ASAP1: variants seen among roughly 807,000 people sequenced by gnomAD.
ASAP1 encodes ArfGAP with SH3 domain, ankyrin repeat and PH domain 1, also known as arf-GAP with SH3 domain, ANK repeat and PH domain-containing protein 1.
Under a neutral mutation model 145.2 loss-of-function variants are expected in ASAP1, and 43 were observed. The ratio of observed to expected loss-of-function variants is 0.30; its 90% CI spans 0.23 to 0.38. The LOEUF is 0.38. Ranked by LOEUF, ASAP1 falls within the 10% of genes least tolerant of loss-of-function variation. The pLI, the probability that ASAP1 is intolerant of heterozygous loss-of-function variation, is 1.00. For synonymous variants in ASAP1, 546 were observed against 515.5 expected (o/e 1.06, Z -0.80); for missense variants, 1,018 against 1,355.3 (o/e 0.75, Z 3.91).
chr8:130,343,306 C>A (rs1825504596), intron 3 of ASAP1, among the ~76,000 whole-genome samples: 1 of 152,146 alleles, frequency 6.6e-6, no homozygotes, highest in Non-Finnish European at 1.5e-5. Context: ...AGCTACTCAC[C>A]ACCCCCTAAC....
intron 3 of ASAP1, among the ~76,000 whole-genome samples, chr8:130,253,509 G>A (rs1819330355): frequency 6.6e-6 from 1 of 152,144 alleles, no homozygotes; most frequent in African/African-American, 2.4e-5. Context: ...AAAAGAAAAG[G>A]GAGATGTAGA....
chr8:130,413,251 T>G (rs1293348419), intron 1 of ASAP1, among the ~76,000 whole-genome samples: 1 of 152,196 alleles, frequency 6.6e-6, no homozygotes, highest in East Asian at 1.9e-4. Flanking sequence ...TCCCTTCTAG[T>G]TTTAGAACTA....
At chr8:130,226,728 G>A (rs550760340) in intron 4 of ASAP1, among the ~76,000 whole-genome samples, 7 of 152,156 alleles carry the variant, frequency 4.6e-5, no homozygotes, top group Non-Finnish European at 1.0e-4. Context: ...GAGTTCCACA[G>A]GGCTATTACT....
At chr8:130,174,027 G>T (rs1389111697) in intron 9 of ASAP1, among the ~76,000 whole-genome samples, 1 of 148,560 alleles carries the variant, frequency 6.7e-6, no homozygotes, top group Non-Finnish European at 1.5e-5. Flanking sequence ...GGTGGAGGGT[G>T]CAGTGAGCAG....
At chr8:130,338,349 C>T (rs1825165720) in intron 3 of ASAP1, among the ~76,000 whole-genome samples, 1 of 152,130 alleles carries the variant, frequency 6.6e-6, no homozygotes, top group South Asian at 2.1e-4. Context: ...TAGTTAACTA[C>T]CTGACATACA....
chr8:130,151,741 T>G (rs2097646823), intron 13 of ASAP1, among the ~76,000 whole-genome samples: 1 of 152,218 alleles, frequency 6.6e-6, no homozygotes, highest in African/African-American at 2.4e-5. Context: ...GTATGTCAAG[T>G]TCTGTGTGAG....
chr8:130,203,810 T>TG (rs890695048), intron 5 of ASAP1, among the ~76,000 whole-genome samples: 3 of 152,190 alleles, frequency 2.0e-5, no homozygotes, highest in African/African-American at 7.2e-5. Flanking sequence ...GAAAGAGCTC[T>TG]GGAGGCTTCT....
intron 3 of ASAP1, among the ~76,000 whole-genome samples, chr8:130,317,737 G>C (rs1823752416): frequency 6.6e-6 from 1 of 152,222 alleles, no homozygotes; most frequent in African/African-American, 2.4e-5. Context: ...AGTGCTAAGA[G>C]TGGAATGTAG....
chr8:130,367,515 A>T (rs545652776), intron 2 of ASAP1, among the ~76,000 whole-genome samples: 1 of 152,314 alleles, frequency 6.6e-6, no homozygotes, highest in South Asian at 2.1e-4. Flanking sequence ...TGACTTTTGC[A>T]CCAAGATGTT....
chr8:130,352,004 T>C (rs79334861), intron 3 of ASAP1, among the ~76,000 whole-genome samples: 2,536 of 152,274 alleles, frequency 0.017, 37 homozygotes, highest in East Asian at 0.052. Context: ...GCTGGTTTCA[T>C]CCAGACAAAA....
chr8:130,155,728 C>A (rs549954542), intron 12 of ASAP1, among the ~76,000 whole-genome samples: 2 of 152,328 alleles, frequency 1.3e-5, no homozygotes, highest in South Asian at 2.1e-4. Flanking sequence ...TGATCTCCCC[C>A]ACTCTCTGTA....
intron 9 of ASAP1, among the ~76,000 whole-genome samples, chr8:130,170,946 A>G (rs1029108886): frequency 3.3e-5 from 5 of 151,914 alleles, no homozygotes; most frequent in African/African-American, 4.8e-5. Context: ...CAACTCCTGG[A>G]CTCAAGTAAT....
At chr8:130,318,548 C>T (rs998056206) in intron 3 of ASAP1, among the ~76,000 whole-genome samples, 5 of 152,194 alleles carry the variant, frequency 3.3e-5, no homozygotes, top group African/African-American at 7.2e-5. Flanking sequence ...GCAGGTGAAA[C>T]AGCCTAGCTA....
intron 3 of ASAP1, among the ~76,000 whole-genome samples, chr8:130,337,016 G>A (rs748415655): frequency 6.6e-6 from 1 of 152,094 alleles, no homozygotes; most frequent in African/African-American, 2.4e-5. Context: ...TTCCCACAGG[G>A]AACCCCAGAC....
At chr8:130,256,755 A>ATATATATATATATATCCT (rs1554860203) in intron 3 of ASAP1, among the ~76,000 whole-genome samples, 13 of 89,776 alleles carry the variant, frequency 1.4e-4, no homozygotes, top group South Asian at 1.1e-3. Context: ...ATATATATAT[A>ATATATATATATATATCCT]TATATATATA....
At chr8:130,395,113 C>T (rs759702039) in intron 2 of ASAP1, among the ~76,000 whole-genome samples, 39 of 152,214 alleles carry the variant, frequency 2.6e-4, no homozygotes, top group Non-Finnish European at 4.1e-4. Context: ...ACAAGAAAAA[C>T]ATCCGTCTCA....
chr8:130,220,980 T>TC (rs1586623329), intron 4 of ASAP1, among the ~76,000 whole-genome samples: 1 of 151,956 alleles, frequency 6.6e-6, no homozygotes, highest in Non-Finnish European at 1.5e-5. Context: ...ATGAGGTCCC[T>TC]CCCCCAACAT....
intron 17 of ASAP1, among the ~76,000 whole-genome samples, chr8:130,124,580 A>G (rs991123081): frequency 1.3e-5 from 2 of 152,234 alleles, no homozygotes; most frequent in Admixed American, 1.3e-4. Flanking sequence ...GGATTACTTT[A>G]TATCTGGATA....
At chr8:130,148,859 G>A (rs2097639336) in intron 13 of ASAP1, among the ~76,000 whole-genome samples, 1 of 151,822 alleles carries the variant, frequency 6.6e-6, no homozygotes, top group South Asian at 2.1e-4. Flanking sequence ...TCTTGAGACA[G>A]GGCCTGGCTC....
Sources: allele counts gnomAD v4.1 joint callset (sites outside exome capture counted in the v4.1 genomes callset), GRCh38; gene constraint gnomAD v4.1.1; transcripts MANE v1.5; gene names NCBI Gene and HGNC (gene_info 2026-07-23, HGNC 2026-07-21).